Variants in XKR9 observed in about 807,000 individuals in gnomAD.
The protein encoded by XKR9 is XK related 9.
A neutral mutation model predicts 32.0 loss-of-function variants in XKR9; 32 were observed. The observed-to-expected ratio is 1.00, with a 90% CI of 0.76 to 1.34. XKR9 has a LOEUF of 1.34. Among genes scored for constraint, XKR9 ranks in the 40% most tolerant of loss-of-function variants. XKR9 has a pLI of 0.00. For missense variants in XKR9, 546 were observed against 429.7 expected (o/e 1.27, Z -2.39); for synonymous variants, 168 against 143.4 (o/e 1.17, Z -1.22).
intron 2 of XKR9, among the ~76,000 whole-genome samples, chr8:70,779,080 TG>T (rs1291519467): frequency 6.6e-6 from 1 of 152,208 alleles, no homozygotes; most frequent in East Asian, 1.9e-4. Context: ...ATATTGGCTG[TG>T]GGTTTGTCAT....
the XKR9 span, among the ~76,000 whole-genome samples, chr8:71,055,714 C>A: frequency 1.3e-5 from 2 of 151,172 alleles, no homozygotes; most frequent in African/African-American, 4.9e-5. Flanking sequence ...ATTGAAAAGT[C>A]AAAAAAAATA....
chr8:70,783,807 CTA>C (rs1807647647), intron 2 of XKR9, among the ~76,000 whole-genome samples: 1 of 151,996 alleles, frequency 6.6e-6, no homozygotes, highest in Non-Finnish European at 1.5e-5. Flanking sequence ...AGTTTTTCTC[CTA>C]TGTTTTCTTC....
At chr8:70,870,461 G>A in the XKR9 span, among the ~76,000 whole-genome samples, 1 of 152,172 alleles carries the variant, frequency 6.6e-6, no homozygotes, top group African/African-American at 2.4e-5. Flanking sequence ...TTCTCTAAAA[G>A]CCTATTCTAT....
chr8:70,805,293 C>G, the XKR9 span, among the ~76,000 whole-genome samples: 1 of 152,246 alleles, frequency 6.6e-6, no homozygotes, highest in Admixed American at 6.5e-5. Context: ...AAAGATCACA[C>G]TCGTGTACCC....
chr8:70,923,887 T>G, the XKR9 span, among the ~76,000 whole-genome samples: 1 of 152,202 alleles, frequency 6.6e-6, no homozygotes, highest in Non-Finnish European at 1.5e-5. Flanking sequence ...TATCTTAAGG[T>G]GGACCCTCCA....
the XKR9 span, among the ~76,000 whole-genome samples, chr8:70,890,334 C>A: frequency 6.6e-6 from 1 of 151,888 alleles, no homozygotes; most frequent in Non-Finnish European, 1.5e-5. Context: ...GCAAGCATAT[C>A]CAATACTATA....
At chr8:70,783,655 T>G (rs12680988) in intron 2 of XKR9, among the ~76,000 whole-genome samples, 61,371 of 152,034 alleles carry the variant, frequency 0.4, 13,934 homozygotes, top group Non-Finnish European at 0.52. Context: ...CCAATTTGTA[T>G]ATTTTCTCTC....
At chr8:70,782,089 C>T (rs1027406785) in intron 2 of XKR9, among the ~76,000 whole-genome samples, 1 of 152,174 alleles carries the variant, frequency 6.6e-6, no homozygotes, top group African/African-American at 2.4e-5. Flanking sequence ...CCTGCAGAGG[C>T]TGTCACTATC....
the XKR9 span, among the ~76,000 whole-genome samples, chr8:71,006,403 C>A: frequency 6.6e-6 from 1 of 152,158 alleles, no homozygotes; most frequent in African/African-American, 2.4e-5. Context: ...GACAATCCTT[C>A]CAATGTGGTC....
chr8:71,038,836 G>A, the XKR9 span, among the ~76,000 whole-genome samples: 1 of 109,244 alleles, frequency 9.2e-6, no homozygotes, highest in African/African-American at 3.7e-5. Flanking sequence ...ACAGAGTCTT[G>A]TACTGCCACC....
intron 2 of XKR9, among the ~76,000 whole-genome samples, chr8:70,763,771 A>G (rs1807337814): frequency 6.6e-6 from 1 of 152,174 alleles, no homozygotes; most frequent in South Asian, 2.1e-4. Flanking sequence ...TCAAATTATT[A>G]TTCAAATGTA....
the XKR9 span, among the ~76,000 whole-genome samples, chr8:71,052,434 C>A: frequency 2.0e-5 from 3 of 152,112 alleles, no homozygotes; most frequent in Admixed American, 6.5e-5. Context: ...CAGGGCACTT[C>A]GTAGACACTA....
chr8:70,687,151 A>G (rs774816172), intron 3 of XKR9, among the ~76,000 whole-genome samples: 6 of 152,038 alleles, frequency 3.9e-5, no homozygotes, highest in Non-Finnish European at 7.4e-5. Context: ...TCTACTCTCT[A>G]TCTCCATGAG....
chr8:70,892,299 A>G, the XKR9 span, among the ~76,000 whole-genome samples: 1 of 151,360 alleles, frequency 6.6e-6, no homozygotes, highest in African/African-American at 2.4e-5. Context: ...TTTGTTAATT[A>G]TTTTCTGGTT....
chr8:71,000,580 A>G, the XKR9 span, among the ~76,000 whole-genome samples: 1 of 152,254 alleles, frequency 6.6e-6, no homozygotes, highest in Non-Finnish European at 1.5e-5. Flanking sequence ...AGCACTTTAT[A>G]CATTTTGTTT....
At position 70,734,935 on chromosome 8, in the gene XKR9, G is replaced by T. The variant is rs937831781; in HGVS notation, c.*511G>T. The stretch of plus-strand genomic sequence containing the variant: ...TTTCATCCATGAAATCTCCAATTCA[G>T]TAAGTGCAAAAGAGAATTGGTGTGC... On this transcript the variant is annotated 3_prime_UTR_variant, in exon 5 of 5. Transcript: ENST00000408926. 1 of 152,286 alleles carries T rather than the reference G, an allele frequency of 6.6e-6. No individual in the cohort carries two copies. The highest frequency in any genetic ancestry group is 1.5e-5 in the Non-Finnish European group (1 of 68,144). The allele number at this position is 152,286 out of a possible 1,614,324, so 9.4% of individuals were successfully genotyped here.
At chr8:71,023,303 G>T in the XKR9 span, among the ~76,000 whole-genome samples, 1 of 152,164 alleles carries the variant, frequency 6.6e-6, no homozygotes, top group Non-Finnish European at 1.5e-5. Context: ...TGTTGGCTGG[G>T]TAGAGCGCTT....
chr8:70,853,043 C>A, the XKR9 span, among the ~76,000 whole-genome samples: 1 of 151,994 alleles, frequency 6.6e-6, no homozygotes, highest in Non-Finnish European at 1.5e-5. Context: ...TACATATACA[C>A]AATGGAATAC....
At chr8:70,871,971 G>A in the XKR9 span, among the ~76,000 whole-genome samples, 1 of 152,168 alleles carries the variant, frequency 6.6e-6, no homozygotes, top group Non-Finnish European at 1.5e-5. Flanking sequence ...TCCAATTTGG[G>A]ACTTTCCAAA....
Sources: gnomAD v4.1 joint callset for allele counts (sites outside exome capture counted in the v4.1 genomes callset) on GRCh38, gnomAD v4.1.1 for gene constraint, MANE v1.5 for transcripts, NCBI Gene and HGNC (gene_info 2026-07-23, HGNC 2026-07-21) for gene names.